The following CHCHD3 variants were observed in gnomAD, a reference collection of about 807,000 sequenced individuals.
CHCHD3 encodes coiled-coil-helix-coiled-coil-helix domain containing 3.
CHCHD3 carries 20 observed loss-of-function variants against 38.2 expected under a neutral mutation model. The observed-to-expected ratio is 0.52, with a 90% CI of 0.37 to 0.76. The LOEUF (loss-of-function observed/expected upper bound fraction) is 0.76, where lower values mean the gene tolerates loss of function less well. Among genes scored for constraint, CHCHD3 ranks in the 30% least tolerant of loss-of-function variants. The pLI is 0.00. For missense variants in CHCHD3, 245 were observed against 279.2 expected (o/e 0.88, Z 0.87); for synonymous variants, 82 against 100.0 (o/e 0.82, Z 1.07).
At chr7:132,947,756 T>C (rs954282630) in intron 4 of CHCHD3, among the ~76,000 whole-genome samples, 3 of 151,966 alleles carry the variant, frequency 2.0e-5, no homozygotes, top group African/African-American at 7.2e-5. Context: ...AAAACAAGCA[T>C]TAAAACCTTC....
At chr7:132,886,424 T>C (rs112497009) in intron 4 of CHCHD3, among the ~76,000 whole-genome samples, 2,735 of 151,950 alleles carry the variant, frequency 0.018, 100 homozygotes, top group African/African-American at 0.062. Context: ...TGAAGATGGC[T>C]ACTTACCGAT....
At chr7:133,058,194 G>T (rs1164294064) in intron 2 of CHCHD3, among the ~76,000 whole-genome samples, 1 of 151,800 alleles carries the variant, frequency 6.6e-6, no homozygotes, top group Non-Finnish European at 1.5e-5. Context: ...CTGTAAGTAT[G>T]CATGCACAGT....
intron 2 of CHCHD3, among the ~76,000 whole-genome samples, chr7:133,042,002 A>T (rs984934849): frequency 6.6e-6 from 1 of 152,238 alleles, no homozygotes; most frequent in Non-Finnish European, 1.5e-5. Flanking sequence ...ATACGAATAC[A>T]TAAGAGGTGC....
At chr7:133,018,977 GGGTTCAAGC>G (rs1442707643) in intron 3 of CHCHD3, among the ~76,000 whole-genome samples, 1 of 132,756 alleles carries the variant, frequency 7.5e-6, no homozygotes, top group Admixed American at 9.4e-5. Context: ...TCCACCTCCC[GGGTTCAAGC>G]GATTCTCGTG....
intron 4 of CHCHD3, among the ~76,000 whole-genome samples, chr7:132,931,227 A>C (rs1810507034): frequency 6.6e-6 from 1 of 152,192 alleles, no homozygotes; most frequent in Admixed American, 6.5e-5. Flanking sequence ...TAAATGTTAA[A>C]TAATAATTAT....
At chr7:132,970,358 T>A (rs1297104566) in intron 4 of CHCHD3, among the ~76,000 whole-genome samples, 3 of 152,210 alleles carry the variant, frequency 2.0e-5, no homozygotes, top group African/African-American at 7.2e-5. Flanking sequence ...GTAGATGCAA[T>A]CAGTCATTTA....
chr7:133,000,232 C>T (rs1812530958), intron 3 of CHCHD3, among the ~76,000 whole-genome samples: 1 of 152,100 alleles, frequency 6.6e-6, no homozygotes, highest in African/African-American at 2.4e-5. Context: ...AGAATTGATG[C>T]TACAATTTCA....
chr7:133,064,091 T>C (rs1814600208), intron 2 of CHCHD3, among the ~76,000 whole-genome samples: 2 of 152,186 alleles, frequency 1.3e-5, no homozygotes, highest in Non-Finnish European at 1.5e-5. Flanking sequence ...TCAAAAATAT[T>C]AACAGAGGAG....
In CHCHD3 at chr7:133,021,539, C is replaced by T. The variant is rs1265980940; in HGVS notation, c.251+3007G>A. On this transcript the variant is annotated intron_variant, in intron 3 of 7. Coordinates refer to ENST00000262570, the MANE Select transcript of CHCHD3 (RefSeq NM_017812.4). ...AAATTTCCTTGCTTTCTAAGCTAAT[C>T]GGAGTTAAATTTCAGTCTTCCAACT... Among the ~76,000 whole-genome samples, 26 of 152,090 alleles carry T rather than the reference C, an allele frequency of 1.7e-4. 1 individual carries two copies. The highest frequency in any genetic ancestry group is 1.6e-3 in the Admixed American group (24 of 15,288).
At chr7:133,047,854 G>C (rs1047707245) in intron 2 of CHCHD3, among the ~76,000 whole-genome samples, 20 of 152,244 alleles carry the variant, frequency 1.3e-4, no homozygotes, top group Non-Finnish European at 1.8e-4. Flanking sequence ...TTGGGAGGCG[G>C]AGGTGGGCAG....
At chr7:132,799,007 C>CTGTG (rs58508838) in intron 6 of CHCHD3, among the ~76,000 whole-genome samples, 3,100 of 145,528 alleles carry the variant, frequency 0.021, 40 homozygotes, top group African/African-American at 0.035. Context: ...GTGATCTGTT[C>CTGTG]TGTGTGTGTG....
rs192832577 is a variant in CHCHD3 at position 133,028,749 on chromosome 7, G to A, written c.170-4122C>T. Among the ~76,000 whole-genome samples the A allele has an allele frequency of 1.3e-3, 203 of 152,164 alleles. 1 individual carries two copies. The highest frequency in any genetic ancestry group is 3.7e-3 in the African/African-American group (155 of 41,500). On this transcript the variant is annotated intron_variant, in intron 2 of 7. Transcript: ENST00000262570. ...CAAATACAAAAATTAGCCAGACATGGTGGTGCACACCTGCAATCCCAGCTA... is the reference window on the plus strand; with the variant it reads ...CAAATACAAAAATTAGCCAGACATGATGGTGCACACCTGCAATCCCAGCTA...
At position 133,070,157 on chromosome 7, in the gene CHCHD3, C is replaced by G. The variant is rs778758135; in HGVS notation, c.154G>C (p.Ala52Pro). ...TCAGCAATACCTGAGGCACCATAAG[C>G]ACCAGAATACCGCTGAGACTTCGAA... ...SGSKSQRYSGAYGASVSDEEL... is the reference protein window; with the variant it reads ...SGSKSQRYSGPYGASVSDEEL... The change falls in exon 2 of 8, where the codon GCT (alanine) becomes CCT (proline). Residue 52 changes from alanine (A) to proline (P), a missense_variant. Coordinates refer to ENST00000262570, the MANE Select transcript of CHCHD3 (RefSeq NM_017812.4). The G allele has an allele frequency of 6.2e-7, 1 of 1,610,896 alleles. No individual in the cohort carries two copies. The highest frequency in any genetic ancestry group is 8.5e-7 in the Non-Finnish European group (1 of 1,179,540).
chr7:132,992,305 T>C (rs1438051595), intron 3 of CHCHD3, among the ~76,000 whole-genome samples: 1 of 152,152 alleles, frequency 6.6e-6, no homozygotes, highest in Non-Finnish European at 1.5e-5. Flanking sequence ...CCCTACCTAC[T>C]GGCACACTCT....
chr7:132,823,253 C>T (rs1807430253), intron 6 of CHCHD3, among the ~76,000 whole-genome samples: 1 of 152,160 alleles, frequency 6.6e-6, no homozygotes, highest in Admixed American at 6.5e-5. Context: ...ATTAGTTCCC[C>T]TTTATCCATG....
At chr7:132,807,606 AATATATAT>A (rs55835343) in intron 6 of CHCHD3, among the ~76,000 whole-genome samples, 12,592 of 108,776 alleles carry the variant, frequency 0.12, 788 homozygotes, top group African/African-American at 0.15. Flanking sequence ...CATACACATA[AATATATAT>A]ATATATATAT....
chr7:132,894,708 C>T (rs1022239329), intron 4 of CHCHD3, among the ~76,000 whole-genome samples: 1 of 152,236 alleles, frequency 6.6e-6, no homozygotes, highest in African/African-American at 2.4e-5. Context: ...ATGAACTGCA[C>T]TGAGGGCAAG....
In CHCHD3 at chr7:133,035,088, T is replaced by G. The variant is rs767243954; in HGVS notation, c.170-10461A>C. On this transcript the variant is annotated intron_variant, in intron 2 of 7. Coordinates refer to ENST00000262570, the MANE Select transcript of CHCHD3 (RefSeq NM_017812.4). This position sits in a 1 kb window ranked among gnomAD's most constrained non-coding sequence, Gnocchi z 4.7. ...ACTCTTGGGCAGGTGAGCGAAGGGG[T>G]CCTTGGCCTTGGGCTCAGCAGCCAG... is the stretch of plus-strand genomic sequence containing the variant. The G allele has an allele frequency of 4.3e-5, 69 of 1,613,476 alleles. No individual in the cohort carries two copies. The highest frequency in any genetic ancestry group is 5.5e-5 in the Non-Finnish European group (65 of 1,179,700).
intron 3 of CHCHD3, among the ~76,000 whole-genome samples, chr7:132,997,932 C>T (rs1292981500): frequency 1.3e-5 from 2 of 151,980 alleles, no homozygotes; most frequent in Non-Finnish European, 2.9e-5. Context: ...TATTCAACTC[C>T]CGGTTAAAAT....
Sources: gnomAD v4.1 joint callset for allele counts (sites outside exome capture counted in the v4.1 genomes callset) on GRCh38, gnomAD v4.1.1 for gene constraint, Gnocchi (gnomAD v3.1) non-coding constraint, MANE v1.5 for transcripts, NCBI Gene and HGNC (gene_info 2026-07-23, HGNC 2026-07-21) for gene names.